IQCH: variants seen among roughly 807,000 people sequenced by gnomAD.
IQCH encodes the protein IQ domain-containing protein H.
IQCH carries 98 observed loss-of-function variants against 117.0 expected under a neutral mutation model. The ratio of observed to expected loss-of-function variants is 0.84; its 90% CI spans 0.71 to 0.99. The LOEUF (loss-of-function observed/expected upper bound fraction) is 0.99, where lower values mean the gene tolerates loss of function less well. Among genes scored for constraint, IQCH ranks in the 50% least tolerant of loss-of-function variants. The pLI is 0.00. For missense variants in IQCH, 1,102 were observed against 1,243.8 expected (o/e 0.89, Z 1.72); for synonymous variants, 412 against 448.2 (o/e 0.92, Z 1.02).
rs1453591529 is a variant in IQCH at position 67,467,189 on chromosome 15, C to T, written c.2676+1892C>T. The T allele has an allele frequency of 6.6e-6, 1 of 152,222 alleles. No individual in the cohort carries two copies. The highest frequency in any genetic ancestry group is 6.5e-5 in the Admixed American group (1 of 15,268). The allele number at this position is 152,222 out of a possible 1,614,324, so 9.4% of individuals were successfully genotyped here. A position where few individuals can be genotyped will look rare whatever the true frequency, so the allele number is the denominator to read the frequency against. ...AGTGAGTCATGATCGCGCCATTGTACTCCAGCCTAGTTGACAGAGTGAGAC... is the reference window on the plus strand; with the variant it reads ...AGTGAGTCATGATCGCGCCATTGTATTCCAGCCTAGTTGACAGAGTGAGAC... On this transcript the variant is annotated intron_variant, in intron 17 of 20. Transcript: ENST00000335894. This position sits in a 1 kb window ranked among gnomAD's most constrained non-coding sequence, Gnocchi z 5.7.
chr15:67,258,271 T>C (rs1965310867), intron 1 of IQCH, among the ~76,000 whole-genome samples: 1 of 151,148 alleles, frequency 6.6e-6, no homozygotes, highest in Non-Finnish European at 1.5e-5. Context: ...GGCTCATGCC[T>C]GTAATCCCAG....
chr15:67,409,177 T>C (rs1278066009), intron 14 of IQCH, among the ~76,000 whole-genome samples: 18 of 152,288 alleles, frequency 1.2e-4, no homozygotes, highest in Admixed American at 1.0e-3. Context: ...ACATACACCA[T>C]GAACCAAGGA....
Position 67,259,778 on chromosome 15 carries a change from A to G in IQCH, c.52-1494A>G, listed in dbSNP as rs182327561. On this transcript the variant is annotated intron_variant, in intron 1 of 20. Coordinates refer to ENST00000335894, the MANE Select transcript of IQCH (RefSeq NM_001031715.3). ...TGTACTTTCCAAATGTCTTCAGACA[A>G]TAGATGGCAAATCAGCTTGCAGCAG... Among the ~76,000 whole-genome samples the G allele has an allele frequency of 7.0e-4, 107 of 152,362 alleles. 4 individuals are homozygous for G. In the East Asian group the frequency reaches 0.012, roughly 17 times the overall value.
At chr15:67,313,023 A>G (rs1967675277) in intron 4 of IQCH, among the ~76,000 whole-genome samples, 1 of 152,170 alleles carries the variant, frequency 6.6e-6, no homozygotes, top group African/African-American at 2.4e-5. Flanking sequence ...CCTCTGAATT[A>G]TACTACAGAA....
At chr15:67,258,836 G>C (rs759043804) in intron 1 of IQCH, among the ~76,000 whole-genome samples, 14 of 152,166 alleles carry the variant, frequency 9.2e-5, no homozygotes, top group Non-Finnish European at 1.6e-4. Context: ...CAATATGGTA[G>C]ATTGGATCTA....
rs576056671 is a variant in IQCH, at chr15:67,481,612, A to G, written c.2799+5794A>G. On this transcript the variant is annotated intron_variant, in intron 18 of 20. Transcript: ENST00000335894. This position sits in a 1 kb window ranked among gnomAD's most constrained non-coding sequence, Gnocchi z 4.1. Reference sequence around the variant, plus strand: ...TCTCTCAGGAAAAAGAGAACAGAACAAAAGGGTAAAAAGAAAAAGGGTATA... The same window carrying G: ...TCTCTCAGGAAAAAGAGAACAGAACGAAAGGGTAAAAAGAAAAAGGGTATA... 2.6e-5 allele frequency among the ~76,000 whole-genome samples: 4 copies of G among 152,330 alleles called. No individual in the cohort carries two copies. The highest frequency in any genetic ancestry group is 9.6e-5 in the African/African-American group (4 of 41,580).
Position 67,356,442 on chromosome 15 carries a change from T to A in IQCH, c.638-903T>A, listed in dbSNP as rs1969891920. ...CTGAAGATATTCCTTGCAGCTCAGTTGAGGCAATCTAAGAGAACCAAGTCC... is the reference window on the plus strand; with the variant it reads ...CTGAAGATATTCCTTGCAGCTCAGTAGAGGCAATCTAAGAGAACCAAGTCC... On this transcript the variant is annotated intron_variant, in intron 6 of 20. Coordinates refer to ENST00000335894, the MANE Select transcript of IQCH (RefSeq NM_001031715.3). The surrounding 1 kb of genome is among the most constrained non-coding windows in gnomAD (Gnocchi z 5.3). Among the ~76,000 whole-genome samples, 1 of 152,226 alleles carries A rather than the reference T, an allele frequency of 6.6e-6. No individual in the cohort carries two copies. Among genetic ancestry groups the A allele is most frequent in the African/African-American group, 2.4e-5 (1 of 41,458 alleles).
chr15:67,394,990 A>G (rs1054700806), intron 12 of IQCH, among the ~76,000 whole-genome samples: 1 of 152,140 alleles, frequency 6.6e-6, no homozygotes, highest in African/African-American at 2.4e-5. Flanking sequence ...ACTTGCTATT[A>G]CCCAAAGGCC....
In IQCH at chr15:67,369,951, G is replaced by C. The variant is rs1054556586; in HGVS notation, c.754-2160G>C. ...TGAGTGGTCTGTTTGATGTCCAGGA[G>C]TATGTTTCCTTTGAGAGCAGGTCTT... On this transcript the variant is annotated intron_variant, in intron 8 of 20. Transcript: ENST00000335894. The surrounding 1 kb of genome is among the most constrained non-coding windows in gnomAD (Gnocchi z 5.2). Among the ~76,000 whole-genome samples, 1 of 152,206 alleles carries C rather than the reference G, an allele frequency of 6.6e-6. No individual in the cohort carries two copies. The highest frequency in any genetic ancestry group is 2.4e-5 in the African/African-American group (1 of 41,450).
At position 67,403,943 on chromosome 15, in the gene IQCH, C is replaced by T. The variant is rs1440751602; in HGVS notation, c.2097+3638C>T. On this transcript the variant is annotated intron_variant, in intron 14 of 20. Coordinates refer to ENST00000335894, the MANE Select transcript of IQCH (RefSeq NM_001031715.3). This position sits in a 1 kb window ranked among gnomAD's most constrained non-coding sequence, Gnocchi z 4.8. ...GTTTACTTTCAAGTTTCTCTGCAGC[C>T]CTTCGTTGGGCCTCTGTTACCCTGG... 1 of 152,188 alleles carries T rather than the reference C, an allele frequency of 6.6e-6. No homozygotes were observed. Among genetic ancestry groups the T allele is most frequent in the Admixed American group, 6.5e-5 (1 of 15,270 alleles). 9.4% of individuals were successfully genotyped at this position (152,188 alleles called of 1,614,324 possible).
In IQCH at chr15:67,382,844, G is replaced by A. The variant is rs113295360; in HGVS notation, c.1373-2092G>A. Among the ~76,000 whole-genome samples the A allele has an allele frequency of 5.3e-4, 80 of 152,208 alleles. 1 individual carries two copies. Among genetic ancestry groups the A allele is most frequent in the African/African-American group, 1.7e-3 (71 of 41,528 alleles). On this transcript the variant is annotated intron_variant, in intron 10 of 20. Transcript: ENST00000335894. ...ATATCCCAAAGTGCAATGTCTCATC[G>A]CCACTGGGCCTGTCTACTGAACTCC...
intron 16 of IQCH, among the ~76,000 whole-genome samples, chr15:67,423,715 GTGATGGTGGA>G (rs1480573238): frequency 6.6e-6 from 1 of 151,678 alleles, no homozygotes; most frequent in African/African-American, 2.4e-5. Context: ...TCAGCCAGGC[GTGATGGTGGA>G]TGCCTATAAT....
At chr15:67,437,111 ATTAAACT>A (rs1238047907) in intron 16 of IQCH, among the ~76,000 whole-genome samples, 1 of 152,220 alleles carries the variant, frequency 6.6e-6, no homozygotes, top group Admixed American at 6.5e-5. Context: ...AAAATAGAGC[ATTAAACT>A]ACCAAAGCTA....
rs1360463858 is a variant in IQCH at position 67,359,101 on chromosome 15, T to C, written c.715-746T>C. ...GCTGTGAGAAGGCCATGGGCTAATA[T>C]GCATAATAGGAACAGGCGGAGGCAC... On this transcript the variant is annotated intron_variant, in intron 7 of 20. Coordinates refer to ENST00000335894, the MANE Select transcript of IQCH (RefSeq NM_001031715.3). The surrounding 1 kb of genome is among the most constrained non-coding windows in gnomAD (Gnocchi z 4.5). Among the ~76,000 whole-genome samples, 3 of 152,216 alleles carry C rather than the reference T, an allele frequency of 2.0e-5. No homozygotes were observed. Among genetic ancestry groups the C allele is most frequent in the African/African-American group, 7.2e-5 (3 of 41,456 alleles).
At position 67,479,509 on chromosome 15, in the gene IQCH, C is replaced by T. The variant is rs1175346973; in HGVS notation, c.2799+3691C>T. 6.6e-6 allele frequency among the ~76,000 whole-genome samples: 1 copy of T among 152,230 alleles called. No homozygotes were observed. Among genetic ancestry groups the T allele is most frequent in the Non-Finnish European group, 1.5e-5 (1 of 68,038 alleles). ...GGAATCCATTTCCAATATATCCCCT[C>T]TAGGTACCTCTTATGTATTCTTCAG... On this transcript the variant is annotated intron_variant, in intron 18 of 20. Transcript: ENST00000335894. The surrounding 1 kb of genome is among the most constrained non-coding windows in gnomAD (Gnocchi z 4.6).
intron 3 of IQCH, among the ~76,000 whole-genome samples, chr15:67,271,320 G>T (rs190544806): frequency 1.3e-5 from 2 of 152,230 alleles, no homozygotes; most frequent in Admixed American, 1.3e-4. Flanking sequence ...CTAGGATTTC[G>T]TTGAAGATTT....
rs1461727288 is a variant in IQCH at position 67,480,060 on chromosome 15, A to G, written c.2799+4242A>G. On this transcript the variant is annotated intron_variant, in intron 18 of 20. Coordinates refer to ENST00000335894, the MANE Select transcript of IQCH (RefSeq NM_001031715.3). The stretch of plus-strand genomic sequence containing the variant: ...TGAAAGCCATATGGAGAAAGGCGTC[A>G]TGTTTACTGCCTGCACCAGTGTGGG... Among the ~76,000 whole-genome samples the G allele has an allele frequency of 2.6e-5, 4 of 152,222 alleles. No homozygotes were observed. The East Asian group carries it at 5.8e-4, about 22-fold the overall frequency.
chr15:67,428,883 G>T (rs925893283), intron 16 of IQCH, among the ~76,000 whole-genome samples: 1 of 151,686 alleles, frequency 6.6e-6, no homozygotes, highest in African/African-American at 2.4e-5. Context: ...AGAGGCAGGG[G>T]GATCATAGAA....
intron 6 of IQCH, among the ~76,000 whole-genome samples, chr15:67,345,428 G>A (rs548867896): frequency 1.3e-5 from 2 of 152,076 alleles, no homozygotes; most frequent in African/African-American, 4.8e-5. Flanking sequence ...CAGAAAATTC[G>A]CAATGGAGAA....
Sources: gnomAD v4.1 joint callset for allele counts (sites outside exome capture counted in the v4.1 genomes callset) on GRCh38, gnomAD v4.1.1 for gene constraint, Gnocchi (gnomAD v3.1) non-coding constraint, MANE v1.5 for transcripts, NCBI Gene and HGNC (gene_info 2026-07-23, HGNC 2026-07-21) for gene names.